The following ACAD10 variants were observed in gnomAD, a reference collection of about 807,000 sequenced individuals.
ACAD10 encodes the protein acyl-CoA dehydrogenase family member 10, also known as ACAD-10.
ACAD10 carries 112 observed loss-of-function variants against 116.8 expected under a neutral mutation model. The ratio of observed to expected loss-of-function variants is 0.96; its 90% CI spans 0.82 to 1.12. The LOEUF (loss-of-function observed/expected upper bound fraction) is 1.12. Ranked by LOEUF, ACAD10 falls within the 50% of genes most tolerant of loss-of-function variation. The pLI is 0.00. For synonymous variants in ACAD10, 486 were observed against 510.6 expected (o/e 0.95, Z 0.65); for missense variants, 1,259 against 1,350.2 (o/e 0.93, Z 1.06).
At chr12:111,714,261 A>AT in intron 6 of ACAD10, among the ~76,000 whole-genome samples, 1 of 151,594 alleles carries the variant, frequency 6.6e-6, no homozygotes, top group East Asian at 1.9e-4. Context: ...AAAAAAAAAA[A>AT]GTTGCATGAT....
chr12:111,741,369 C>T (rs1246691156), intron 12 of ACAD10, among the ~76,000 whole-genome samples: 1 of 152,162 alleles, frequency 6.6e-6, no homozygotes, highest in Non-Finnish European at 1.5e-5. Context: ...AAGTTTTCTC[C>T]CTGCTCTGCT....
At position 111,737,001 on chromosome 12, in the gene ACAD10, A is replaced by C; in HGVS notation, c.1711A>C (p.Thr571Pro). 6.2e-7 allele frequency: 1 copy of C among 1,613,286 alleles called. No homozygotes were observed. Among genetic ancestry groups the C allele is most frequent in the South Asian group, 1.1e-5 (1 of 90,994 alleles). ...ILQGVYKRSL[T>P]GQASSTYAEQ... is the part of the protein sequence containing the mutation. ...ACAGGGAGTCTACAAGCGATCACTC[A>C]CAGGTAATGGGATGGCTGCCCTGAA... Residue 571 changes from threonine (T) to proline (P), a missense_variant, in exon 12 of 21, where the codon ACA (threonine) becomes CCA (proline). By Grantham distance (38) the Thr-to-Pro change is conservative. Transcript: ENST00000313698.
At chr12:111,753,960 TC>T (rs748605337) in intron 19 of ACAD10, 45 bp downstream of exon 19, 25 of 1,550,188 alleles carry the variant, frequency 1.6e-5, no homozygotes, top group Non-Finnish European at 2.2e-5. Flanking sequence ...CAGAGATTCT[TC>T]CTCCTCACTC....
At chr12:111,711,734 G>C (rs1266907519) in intron 5 of ACAD10, among the ~76,000 whole-genome samples, 1 of 151,616 alleles carries the variant, frequency 6.6e-6, no homozygotes, top group Non-Finnish European at 1.5e-5. Flanking sequence ...GGATGATCTC[G>C]ATCTCCTGGC....
chr12:111,717,743 A>C (rs1888885563), intron 7 of ACAD10, among the ~76,000 whole-genome samples: 1 of 152,034 alleles, frequency 6.6e-6, no homozygotes, highest in African/African-American at 2.4e-5. Flanking sequence ...ATTTTTTTGT[A>C]GAGATGGGGC....
At chr12:111,693,008 A>G (rs1888098905) in intron 2 of ACAD10, 112 bp downstream of exon 2, 2 of 1,254,004 alleles carry the variant, frequency 1.6e-6, no homozygotes, top group Non-Finnish European at 2.2e-6. Flanking sequence ...CCAGCAGGCC[A>G]TGCTCTGGCT....
At chr12:111,752,217 C>A (rs1001967256) in intron 18 of ACAD10, among the ~76,000 whole-genome samples, 13 of 151,754 alleles carry the variant, frequency 8.6e-5, no homozygotes, top group Middle Eastern at 3.4e-3. Flanking sequence ...AGAGCAACAC[C>A]CTGTCTGGGA....
At chr12:111,730,010 G>C in intron 10 of ACAD10, 54 bp downstream of exon 10, 2 of 1,579,452 alleles carry the variant, frequency 1.3e-6, no homozygotes, top group South Asian at 2.3e-5. Flanking sequence ...GCTCCAAGGG[G>C]GAATTGAGCA....
intron 2 of ACAD10, among the ~76,000 whole-genome samples, chr12:111,695,641 C>A (rs1888172173): frequency 6.6e-6 from 1 of 152,100 alleles, no homozygotes; most frequent in African/African-American, 2.4e-5. Context: ...GTGATGCCTT[C>A]TACTTTGTCT....
chr12:111,733,424 A>G (rs1889456796), intron 10 of ACAD10, among the ~76,000 whole-genome samples: 2 of 152,016 alleles, frequency 1.3e-5, no homozygotes, highest in Admixed American at 6.6e-5. Context: ...GCTCCAAAAT[A>G]GTGTGTTTCA....
At chr12:111,733,149 A>C (rs1331427171) in intron 10 of ACAD10, among the ~76,000 whole-genome samples, 3 of 151,896 alleles carry the variant, frequency 2.0e-5, no homozygotes, top group African/African-American at 7.3e-5. Flanking sequence ...GTGTAGTGGC[A>C]ATTCATAGGC....
intron 11 of ACAD10, 51 bp from the exon 12 acceptor site, chr12:111,736,778 CAG>C (rs1889575643): frequency 4.5e-6 from 7 of 1,554,804 alleles, no homozygotes; most frequent in African/African-American, 1.4e-5. Flanking sequence ...TTGCCAGCCA[CAG>C]GGGCGTGTCA....
intron 18 of ACAD10, 46 bp downstream of exon 18, chr12:111,749,391 T>C: frequency 6.3e-7 from 1 of 1,575,916 alleles, no homozygotes; most frequent in Admixed American, 1.8e-5. Context: ...AACCACCACC[T>C]TCTGCTTTGC....
intron 12 of ACAD10, among the ~76,000 whole-genome samples, chr12:111,744,010 A>G (rs137929616): frequency 9.5e-4 from 145 of 151,942 alleles, no homozygotes; most frequent in African/African-American, 3.1e-3. Context: ...AGCCTCCCAA[A>G]GTGCTGAGAT....
chr12:111,721,082 C>T (rs907999612), intron 7 of ACAD10, among the ~76,000 whole-genome samples: 1 of 152,096 alleles, frequency 6.6e-6, no homozygotes, highest in Non-Finnish European at 1.5e-5. Context: ...CATGCATGGC[C>T]AACTTCTGTC....
rs185357543 is a variant in ACAD10 at position 111,739,028 on chromosome 12, G to A, written c.1714+2024G>A. ...GGGTGGGGAATCAAGCATTTGTCCTGTCTTTCCTGTACAAATGATACTGCA... is the reference window on the plus strand; with the variant it reads ...GGGTGGGGAATCAAGCATTTGTCCTATCTTTCCTGTACAAATGATACTGCA... On this transcript the variant is annotated intron_variant, in intron 12 of 20. Transcript: ENST00000313698. Among the ~76,000 whole-genome samples the A allele has an allele frequency of 7.0e-4, 107 of 152,128 alleles. 1 individual carries two copies. The highest frequency in any genetic ancestry group is 2.5e-3 in the African/African-American group (105 of 41,480).
chr12:111,750,847 A>G (rs1256493887), intron 18 of ACAD10, among the ~76,000 whole-genome samples: 2 of 152,256 alleles, frequency 1.3e-5, no homozygotes, highest in Non-Finnish European at 1.5e-5. Context: ...AGTGTCTCAC[A>G]AGAACTGCTA....
In ACAD10 at chr12:111,728,999, C is replaced by T. The variant is rs115362356; in HGVS notation, c.1244-807C>T. Among the ~76,000 whole-genome samples, 50 of 152,264 alleles carry T rather than the reference C, an allele frequency of 3.3e-4. 1 individual carries two copies. Among genetic ancestry groups the T allele is most frequent in the African/African-American group, 1.2e-3 (49 of 41,560 alleles). ...GCCAGCCCTCATGTAGTTCTTACCA[C>T]ATGCCAAGAATAGTTCTAAGGGCTT... On this transcript the variant is annotated intron_variant, in intron 9 of 20. Transcript: ENST00000313698.
intron 6 of ACAD10, 137 bp from the exon 7 acceptor site, chr12:111,715,684 A>C: frequency 8.5e-7 from 1 of 1,171,268 alleles, no homozygotes; most frequent in East Asian, 2.5e-5. Flanking sequence ...TAGGCAGAGA[A>C]GAGGTACTTT....
Sources: allele counts gnomAD v4.1 joint callset (sites outside exome capture counted in the v4.1 genomes callset), GRCh38; gene constraint gnomAD v4.1.1; transcripts MANE v1.5; gene names NCBI Gene and HGNC (gene_info 2026-07-23, HGNC 2026-07-21).